LRRFIP1: variants seen among roughly 807,000 people sequenced by gnomAD.
LRRFIP1 encodes the protein leucine-rich repeat flightless-interacting protein 1.
In LRRFIP1, 62 loss-of-function variants were observed where a neutral mutation model predicts 104.4. That is an observed-to-expected ratio of 0.59 (90% confidence interval 0.48 to 0.73). The LOEUF (loss-of-function observed/expected upper bound fraction) is 0.73, where lower values mean the gene tolerates loss of function less well. LRRFIP1 is among the 30% of genes least tolerant of loss of function. LRRFIP1 has a pLI of 0.00. For missense variants in LRRFIP1, 796 were observed against 824.5 expected (o/e 0.97, Z 0.42); for synonymous variants, 300 against 299.0 (o/e 1.00, Z -0.03).
In LRRFIP1 at chr2:237,649,603, A is replaced by C. The variant is rs2085562895; in HGVS notation, c.96+21863A>C. On this transcript the variant is annotated intron_variant, in intron 1 of 23. Coordinates refer to ENST00000308482, the MANE Select transcript of LRRFIP1 (RefSeq NM_001137550.2). The surrounding 1 kb of genome is among the most constrained non-coding windows in gnomAD (Gnocchi z 4.1). ...AGGGCACACCCAATATAACTTTCAC[A>C]GGTGTTTTGTTTTTCTGAGAAGAAG... 6.6e-6 allele frequency among the ~76,000 whole-genome samples: 1 copy of C among 152,016 alleles called. No homozygotes were observed. The highest frequency in any genetic ancestry group is 2.4e-5 in the African/African-American group (1 of 41,442).
intron 23 of LRRFIP1, 60 bp from the exon 24 acceptor site, chr2:237,779,362 C>G (rs2061358399): frequency 6.3e-7 from 1 of 1,582,530 alleles, no homozygotes; most frequent in African/African-American, 1.4e-5. Flanking sequence ...TAACACAGAA[C>G]CCTGTTATGT....
chr2:237,627,596 C>G lies in LRRFIP1; in HGVS notation c.-49C>G. 9.0e-7 allele frequency: 1 copy of G among 1,106,560 alleles called. No homozygotes were observed. The highest frequency in any genetic ancestry group is 1.1e-6 in the Non-Finnish European group (1 of 889,396). The allele number at this position is 1,106,560 out of a possible 1,614,324, so 68.5% of individuals were successfully genotyped here. Reference sequence around the variant, plus strand: ...GGGCCGGGGCCGGGCCGGGGCGGCGCGAGCGGCTGGAGCAACGGGCCCCGC... The same window carrying G: ...GGGCCGGGGCCGGGCCGGGGCGGCGGGAGCGGCTGGAGCAACGGGCCCCGC... On this transcript the variant is annotated 5_prime_UTR_variant, in exon 1 of 24. Transcript: ENST00000308482.
intron 19 of LRRFIP1, chr2:237,763,466 G>T (rs780223024): frequency 6.2e-6 from 10 of 1,613,280 alleles, no homozygotes; most frequent in Admixed American, 5.0e-5. Flanking sequence ...CCCAGTACCC[G>T]TAGAAACCCT....
chr2:237,694,717 G>A (rs1306459980), intron 1 of LRRFIP1, among the ~76,000 whole-genome samples: 2 of 152,214 alleles, frequency 1.3e-5, no homozygotes, highest in Admixed American at 1.3e-4. Context: ...ACAAAAGCAG[G>A]ATCTGAGTGG....
At chr2:237,635,147 C>G (rs2082904298) in intron 1 of LRRFIP1, among the ~76,000 whole-genome samples, 1 of 152,160 alleles carries the variant, frequency 6.6e-6, no homozygotes, top group South Asian at 2.1e-4. Context: ...AGCAAGAATG[C>G]CTTTTCTAAG....
rs139523396 is a variant in LRRFIP1 at position 237,749,943 on chromosome 2, G to A, written c.795+619G>A. Reference sequence around the variant, plus strand: ...ATTTGTTAAAGTAACTAGGGACAGTGCATCTGAAAACCTGAAGACTGGAAG... The same window carrying A: ...ATTTGTTAAAGTAACTAGGGACAGTACATCTGAAAACCTGAAGACTGGAAG... On this transcript the variant is annotated intron_variant, in intron 13 of 23. Coordinates refer to ENST00000308482, the MANE Select transcript of LRRFIP1 (RefSeq NM_001137550.2). Among the ~76,000 whole-genome samples, 432 of 152,330 alleles carry A rather than the reference G, an allele frequency of 2.8e-3. 1 individual carries two copies. The highest frequency in any genetic ancestry group is 4.6e-3 in the Non-Finnish European group (315 of 68,030).
rs1239075896 is a variant in LRRFIP1, at chr2:237,711,522, CTG to C, written c.184-2734_184-2733del. On this transcript the variant is annotated intron_variant, in intron 2 of 23. Coordinates refer to ENST00000308482, the MANE Select transcript of LRRFIP1 (RefSeq NM_001137550.2). This position sits in a 1 kb window ranked among gnomAD's most constrained non-coding sequence, Gnocchi z 4.4. Reference sequence around the variant, plus strand: ...CCAACGTCACCTTTTGCACGGTCCTCTGTGGATCTGCAGTCTCGGCTTCCTCA... The same window carrying C: ...CCAACGTCACCTTTTGCACGGTCCTCTGGATCTGCAGTCTCGGCTTCCTCA... 6.6e-6 allele frequency among the ~76,000 whole-genome samples: 1 copy of C among 152,240 alleles called. No homozygotes were observed. Among genetic ancestry groups the C allele is most frequent in the East Asian group, 1.9e-4 (1 of 5,200 alleles).
chr2:237,656,611 C>A (rs999240566), intron 1 of LRRFIP1, among the ~76,000 whole-genome samples: 1 of 152,062 alleles, frequency 6.6e-6, no homozygotes, highest in African/African-American at 2.4e-5. Context: ...GACAGAGCAC[C>A]AAATATTTTA....
At chr2:237,668,511 CA>C (rs1350103294) in intron 1 of LRRFIP1, among the ~76,000 whole-genome samples, 1 of 152,168 alleles carries the variant, frequency 6.6e-6, no homozygotes, top group East Asian at 1.9e-4. Flanking sequence ...CATATGATGG[CA>C]CCAGGGGCCT....
intron 4 of LRRFIP1, among the ~76,000 whole-genome samples, chr2:237,718,923 GAA>G (rs1310659556): frequency 1.3e-5 from 2 of 151,786 alleles, no homozygotes; most frequent in African/African-American, 4.8e-5. Flanking sequence ...GGTGATATAA[GAA>G]AGAGAAAAAA....
intron 6 of LRRFIP1, chr2:237,722,225 G>A (rs1187770989): frequency 6.6e-6 from 1 of 152,152 alleles, no homozygotes; most frequent in Non-Finnish European, 1.5e-5. Flanking sequence ...ATGGGTTCAA[G>A]AGAGAATAGG....
intron 7 of LRRFIP1, among the ~76,000 whole-genome samples, chr2:237,727,079 C>T (rs1236553049): frequency 1.1e-4 from 16 of 152,124 alleles, no homozygotes; most frequent in Non-Finnish European, 1.5e-4. Flanking sequence ...TTTCTGAGGC[C>T]GGGCGCGATG....
At chr2:237,714,208 GCTT>G in intron 2 of LRRFIP1, 48 bp from the exon 3 acceptor site, 1 of 1,340,250 alleles carries the variant, frequency 7.5e-7, no homozygotes. Flanking sequence ...TGATGTTACT[GCTT>G]CTTTAATTGG....
At chr2:237,709,516 A>G (rs556375927) in intron 2 of LRRFIP1, among the ~76,000 whole-genome samples, 1 of 152,368 alleles carries the variant, frequency 6.6e-6, no homozygotes, top group South Asian at 2.1e-4. Context: ...AAATTTAAAA[A>G]GGCGAGCCAG....
At chr2:237,641,577 T>C (rs1415715618) in intron 1 of LRRFIP1, among the ~76,000 whole-genome samples, 2 of 152,168 alleles carry the variant, frequency 1.3e-5, no homozygotes, top group African/African-American at 4.8e-5. Flanking sequence ...GTTTTTGTGA[T>C]TGGTGTTAAA....
intron 10 of LRRFIP1, among the ~76,000 whole-genome samples, chr2:237,736,547 C>T (rs1021657009): frequency 2.6e-5 from 4 of 152,176 alleles, no homozygotes; most frequent in African/African-American, 9.7e-5. Context: ...TAAGATCTGG[C>T]AGGACGGAGG....
chr2:237,715,711 G>C (rs56039270), intron 3 of LRRFIP1, among the ~76,000 whole-genome samples: 103 of 152,374 alleles, frequency 6.8e-4, no homozygotes, highest in Admixed American at 1.2e-3. Context: ...CTGCTTTGCG[G>C]AACAGTTTCT....
At chr2:237,653,936 T>G (rs896738321) in intron 1 of LRRFIP1, among the ~76,000 whole-genome samples, 4 of 152,216 alleles carry the variant, frequency 2.6e-5, no homozygotes, top group African/African-American at 9.7e-5. Context: ...TCCATGATAT[T>G]GTTCCAAAAA....
intron 1 of LRRFIP1, among the ~76,000 whole-genome samples, chr2:237,633,301 ATGTGCC>A (rs2082652546): frequency 1.3e-5 from 2 of 152,192 alleles, no homozygotes; most frequent in Non-Finnish European, 2.9e-5. Context: ...GGCGTGAACA[ATGTGCC>A]TGTGACCTTG....
Sources: allele counts gnomAD v4.1 joint callset (sites outside exome capture counted in the v4.1 genomes callset), GRCh38; gene constraint gnomAD v4.1.1; non-coding constraint Gnocchi (gnomAD v3.1); transcripts MANE v1.5; gene names NCBI Gene and HGNC (gene_info 2026-07-23, HGNC 2026-07-21).